The following PCDH9 variants were observed in gnomAD, a reference collection of about 807,000 sequenced individuals.
PCDH9 encodes the protein protocadherin-9.
PCDH9 carries 24 observed loss-of-function variants against 70.6 expected under a neutral mutation model. The ratio of observed to expected loss-of-function variants is 0.34; its 90% CI spans 0.25 to 0.48. The LOEUF is 0.48. Ranked by LOEUF, PCDH9 falls within the 20% of genes least tolerant of loss-of-function variation. PCDH9 has a pLI of 0.99. For synonymous variants in PCDH9, 562 were observed against 558.5 expected (o/e 1.01, Z -0.09); for missense variants, 1,281 against 1,503.6 (o/e 0.85, Z 2.45).
At chr13:66,319,213 C>T (rs1955707295) in intron 4 of PCDH9, among the ~76,000 whole-genome samples, 1 of 152,062 alleles carries the variant, frequency 6.6e-6, no homozygotes, top group Non-Finnish European at 1.5e-5. Context: ...CTTGAAAACT[C>T]ACTATCATGG....
At chr13:66,594,990 CAAAAAA>C (rs59217015) in intron 4 of PCDH9, among the ~76,000 whole-genome samples, 1 of 128,874 alleles carries the variant, frequency 7.8e-6, no homozygotes, top group Admixed American at 8.0e-5. Flanking sequence ...AGCATTTACT[CAAAAAA>C]AAAAAAAAAA....
At chr13:66,938,958 G>A (rs9540950) in intron 2 of PCDH9, among the ~76,000 whole-genome samples, 24,277 of 151,916 alleles carry the variant, frequency 0.16, 2,125 homozygotes, top group Non-Finnish European at 0.18. Flanking sequence ...GTCTATCAAT[G>A]TATTTATTTG....
At chr13:67,098,454 C>T (rs1594509128) in intron 2 of PCDH9, among the ~76,000 whole-genome samples, 1 of 151,974 alleles carries the variant, frequency 6.6e-6, no homozygotes, top group Non-Finnish European at 1.5e-5. Flanking sequence ...GCTCTTTTTT[C>T]AAAGTCTCTG....
chr13:66,813,472 A>T (rs1013217319), intron 3 of PCDH9, among the ~76,000 whole-genome samples: 16 of 151,420 alleles, frequency 1.1e-4, no homozygotes, highest in Non-Finnish European at 2.4e-4. Flanking sequence ...GGAGGAAGGG[A>T]AGAAGGAAGG....
chr13:66,347,843 C>A (rs1166906867), intron 4 of PCDH9, among the ~76,000 whole-genome samples: 1 of 152,188 alleles, frequency 6.6e-6, no homozygotes, highest in Non-Finnish European at 1.5e-5. Context: ...ATTGCTGGAA[C>A]AATTCAGACA....
intron 3 of PCDH9, among the ~76,000 whole-genome samples, chr13:66,653,746 T>C (rs2077885584): frequency 6.6e-6 from 1 of 151,878 alleles, no homozygotes; most frequent in African/African-American, 2.4e-5. Flanking sequence ...GGTTGGCGGA[T>C]CATGAGGTCA....
intron 2 of PCDH9, among the ~76,000 whole-genome samples, chr13:67,165,978 T>C (rs2088105870): frequency 6.6e-6 from 1 of 152,190 alleles, no homozygotes. Flanking sequence ...AAGTAATGAG[T>C]TAACCACATT....
chr13:66,395,493 C>T (rs763811304), intron 4 of PCDH9, among the ~76,000 whole-genome samples: 5 of 151,828 alleles, frequency 3.3e-5, no homozygotes, highest in African/African-American at 1.2e-4. Flanking sequence ...CCTAGCTACT[C>T]GGGAACTAAG....
intron 4 of PCDH9, among the ~76,000 whole-genome samples, chr13:66,380,517 A>G (rs1404562216): frequency 6.6e-6 from 1 of 151,258 alleles, no homozygotes. Context: ...AGAAAAAAAA[A>G]TAGAGAATAG....
intron 4 of PCDH9, among the ~76,000 whole-genome samples, chr13:66,597,521 A>C (rs1194850153): frequency 6.6e-6 from 1 of 151,828 alleles, no homozygotes; most frequent in Non-Finnish European, 1.5e-5. Context: ...AAGACTGGAC[A>C]TCCACATGCA....
At chr13:67,135,190 A>C (rs975404855) in intron 2 of PCDH9, among the ~76,000 whole-genome samples, 2 of 152,152 alleles carry the variant, frequency 1.3e-5, no homozygotes, top group Non-Finnish European at 2.9e-5. Context: ...GCACACTTTC[A>C]GAAACACCAA....
chr13:66,721,140 G>A (rs2078936586), intron 3 of PCDH9, among the ~76,000 whole-genome samples: 1 of 152,174 alleles, frequency 6.6e-6, no homozygotes, highest in East Asian at 1.9e-4. Context: ...AAGTATGTAT[G>A]AAACCGTCAT....
At chr13:66,513,586 C>T (rs1409480330) in intron 4 of PCDH9, among the ~76,000 whole-genome samples, 2 of 151,992 alleles carry the variant, frequency 1.3e-5, no homozygotes, top group Non-Finnish European at 2.9e-5. Flanking sequence ...AATCATCTTC[C>T]ACAGGTTGGG....
At chr13:66,357,341 T>C (rs1313719914) in intron 4 of PCDH9, among the ~76,000 whole-genome samples, 1 of 151,988 alleles carries the variant, frequency 6.6e-6, no homozygotes, top group African/African-American at 2.4e-5. Context: ...TGAAATCAGA[T>C]ATTCAGGATC....
Position 66,304,966 on chromosome 13 carries a change from C to A in PCDH9, c.3403G>T (p.Val1135Phe), listed in dbSNP as rs1208512453. ...ATEMCTQECLVLGHSDNCWMP... is the reference protein window; with the variant it reads ...ATEMCTQECLFLGHSDNCWMP... Reference sequence around the variant, plus strand: ...CAGCAATTATCAGAGTGACCCAAAACCAAGCACTCTTGAGTGCACATCTCT... The same window carrying A: ...CAGCAATTATCAGAGTGACCCAAAAACAAGCACTCTTGAGTGCACATCTCT... The change falls in exon 5 of 5, where the codon GTT becomes TTT. Residue 1135 changes from valine to phenylalanine, a missense_variant. This residue lies in a region of PCDH9 where 264 missense variants were observed against 278.8 expected (regional missense o/e 0.95). Transcript: ENST00000377865. 1 of 1,613,366 alleles carries A rather than the reference C, an allele frequency of 6.2e-7. No individual in the cohort carries two copies. The highest frequency in any genetic ancestry group is 1.1e-5 in the South Asian group (1 of 91,058).
Position 67,132,411 on chromosome 13 carries a change from A to G in PCDH9, c.3036+92994T>C, listed in dbSNP as rs560229619. On this transcript the variant is annotated intron_variant, in intron 2 of 4. Transcript: ENST00000377865. The stretch of plus-strand genomic sequence containing the variant: ...GGCTGTATCTTGCAAGAAGTTGTTC[A>G]TGGTTTCTCCAGCTAGAAATTTCTT... Among the ~76,000 whole-genome samples the G allele has an allele frequency of 3.9e-5, 6 of 152,228 alleles. No homozygotes were observed. In the East Asian group the frequency reaches 1.2e-3, roughly 29 times the overall value.
At chr13:67,034,215 C>T (rs2084964329) in intron 2 of PCDH9, among the ~76,000 whole-genome samples, 1 of 152,194 alleles carries the variant, frequency 6.6e-6, no homozygotes, top group East Asian at 1.9e-4. Context: ...GAACTTCTGA[C>T]CTTGTTATCC....
At position 66,725,628 on chromosome 13, in the gene PCDH9, G is replaced by T. The variant is rs973714764; in HGVS notation, c.3139-94217C>A. The stretch of plus-strand genomic sequence containing the variant: ...GTGTTAAAGGATACATTTCAAAAGA[G>T]AGTATAATCATAACTTTAATAAAAG... On this transcript the variant is annotated intron_variant, in intron 3 of 4. Coordinates refer to ENST00000377865, the MANE Select transcript of PCDH9 (RefSeq NM_203487.3). 2.6e-5 allele frequency among the ~76,000 whole-genome samples: 4 copies of T among 152,210 alleles called. No homozygotes were observed. The East Asian group carries it at 7.7e-4, about 29-fold the overall frequency.
intron 2 of PCDH9, among the ~76,000 whole-genome samples, chr13:67,108,192 G>A (rs2086585602): frequency 6.6e-6 from 1 of 152,210 alleles, no homozygotes; most frequent in Non-Finnish European, 1.5e-5. Flanking sequence ...GCCAAGCTGA[G>A]TGAGTGGAGT....
Sources: allele counts gnomAD v4.1 joint callset (sites outside exome capture counted in the v4.1 genomes callset), GRCh38; gene constraint gnomAD v4.1.1; regional missense constraint gnomAD v4.1.1; transcripts MANE v1.5; gene names NCBI Gene and HGNC (gene_info 2026-07-23, HGNC 2026-07-21).